AK9: variants seen among roughly 807,000 people sequenced by gnomAD.
AK9 encodes the protein adenylate kinase domain containing 1.
In AK9, 191 loss-of-function variants were observed where a neutral mutation model predicts 239.6. The ratio of observed to expected loss-of-function variants is 0.80; its 90% CI spans 0.71 to 0.90. The LOEUF (loss-of-function observed/expected upper bound fraction) is 0.90. AK9 is among the 40% of genes least tolerant of loss of function. The probability of loss-of-function intolerance (pLI) is 0.00; values close to 1 mark genes in which losing one functional copy is unlikely to be tolerated. For synonymous variants in AK9, 689 were observed against 721.0 expected, an observed-to-expected ratio of 0.96 and a Z score of 0.71; for missense variants, 1,995 against 2,214.7, an observed-to-expected ratio of 0.90 and a Z score of 1.99.
At chr6:109,539,004 T>G (rs1782460938) in intron 27 of AK9, among the ~76,000 whole-genome samples, 1 of 152,194 alleles carries the variant, frequency 6.6e-6, no homozygotes, top group African/African-American at 2.4e-5. Context: ...CCCTTTTTGG[T>G]TAACCCGACC....
chr6:109,609,536 C>T (rs1793320995), intron 17 of AK9, among the ~76,000 whole-genome samples: 1 of 152,028 alleles, frequency 6.6e-6, no homozygotes, highest in African/African-American at 2.4e-5. Flanking sequence ...GATAGAACAA[C>T]CTGAAGATAG....
rs58542655 is a variant in AK9, at chr6:109,502,957, A to ATGTGTGTGTG, written c.4849+3360_4849+3369dup. ...CAGATTTCTGACCCACAGGAACGGTATGTGTGTGTGTGTGTGTGTGTGTGT... is the reference window on the plus strand; with the variant it reads ...CAGATTTCTGACCCACAGGAACGGTATGTGTGTGTGTGTGTGTGTGTGTGTGTGTGTGTGT... On this transcript the variant is annotated intron_variant, in intron 35 of 40. Transcript: ENST00000424296. Among the ~76,000 whole-genome samples, 592 of 145,494 alleles carry ATGTGTGTGTG rather than the reference A, an allele frequency of 4.1e-3. 4 individuals carry two copies. The highest frequency in any genetic ancestry group is 0.013 in the African/African-American group (534 of 39,636).
chr6:109,670,556 A>G lies in AK9; in HGVS notation c.331+1363T>C, dbSNP rs561993510. 1.0e-3 allele frequency among the ~76,000 whole-genome samples: 154 copies of G among 152,310 alleles called. 2 individuals carry two copies. Among genetic ancestry groups the G allele is most frequent in the Non-Finnish European group, 1.4e-3 (98 of 68,022 alleles). On this transcript the variant is annotated intron_variant, in intron 5 of 40. Transcript: ENST00000424296. ...TTCCTAATAACAACTGTAAAACATT[A>G]TGAACACCATGAGAGGCACAACTGA...
intron 25 of AK9, among the ~76,000 whole-genome samples, chr6:109,547,688 G>T (rs992255534): frequency 1.2e-4 from 19 of 152,056 alleles, no homozygotes; most frequent in African/African-American, 4.6e-4. Context: ...AGCAAAAATA[G>T]ACACATAGGA....
intron 35 of AK9, among the ~76,000 whole-genome samples, chr6:109,501,070 C>A (rs543454142): frequency 2.0e-5 from 3 of 152,128 alleles, no homozygotes; most frequent in East Asian, 3.9e-4. Context: ...GGAGAAGCAC[C>A]CTGTAATCGA....
At chr6:109,553,642 T>C (rs546114053) in intron 24 of AK9, among the ~76,000 whole-genome samples, 9 of 152,354 alleles carry the variant, frequency 5.9e-5, no homozygotes, top group African/African-American at 1.9e-4. Context: ...TCATGTCATC[T>C]GCAAGCAGAG....
chr6:109,500,032 G>GACACACACACACAC (rs1385241254), intron 35 of AK9, among the ~76,000 whole-genome samples: 10 of 76,344 alleles, frequency 1.3e-4, no homozygotes, highest in African/African-American at 5.2e-4. Context: ...CTATATATAT[G>GACACACACACACAC]ATACACACAC....
At chr6:109,524,327 A>C (rs1361296105) in intron 29 of AK9, among the ~76,000 whole-genome samples, 1 of 152,210 alleles carries the variant, frequency 6.6e-6, no homozygotes, top group Non-Finnish European at 1.5e-5. Flanking sequence ...GTGGAACAAC[A>C]GCAAAGGTCT....
At chr6:109,577,939 CTCTTTTTT>C (rs1439669060) in intron 20 of AK9, among the ~76,000 whole-genome samples, 121 of 139,194 alleles carry the variant, frequency 8.7e-4, no homozygotes, top group African/African-American at 3.1e-3. Flanking sequence ...TCCTTTCTTT[CTCTTTTTT>C]TTTTTCTTTT....
intron 24 of AK9, among the ~76,000 whole-genome samples, chr6:109,560,696 T>C (rs1191916770): frequency 6.6e-6 from 1 of 152,224 alleles, no homozygotes; most frequent in African/African-American, 2.4e-5. Flanking sequence ...TATATCTATA[T>C]TAATGAGTGA....
At chr6:109,542,009 A>T in intron 27 of AK9, 38 bp downstream of exon 27, 7 of 1,464,042 alleles carry the variant, frequency 4.8e-6, no homozygotes, top group Non-Finnish European at 6.4e-6. Flanking sequence ...AAACAAATAA[A>T]AGCAAATAAA....
chr6:109,580,131 A>T (rs961241819), intron 19 of AK9, among the ~76,000 whole-genome samples: 1 of 152,136 alleles, frequency 6.6e-6, no homozygotes, highest in African/African-American at 2.4e-5. Flanking sequence ...TTGCATTAAA[A>T]TTTTTTCTAT....
rs139632231 is a variant in AK9, at chr6:109,604,376, A to G, written c.1842+5989T>C. Among the ~76,000 whole-genome samples the G allele has an allele frequency of 1.1e-3, 175 of 152,330 alleles. 2 individuals are homozygous for G. The highest frequency in any genetic ancestry group is 3.4e-3 in the Middle Eastern group (1 of 294). ...CTAGTTTAAATAAAATATCATTTTTACGTTTAACTATTTAATATATATGGA... is the reference window on the plus strand; with the variant it reads ...CTAGTTTAAATAAAATATCATTTTTGCGTTTAACTATTTAATATATATGGA... On this transcript the variant is annotated intron_variant, in intron 17 of 40. Transcript: ENST00000424296.
rs181406953 is a variant in AK9, at chr6:109,671,121, G to A, written c.331+798C>T. The stretch of plus-strand genomic sequence containing the variant: ...AGTAAATACAGTTTGACAAGGCTGC[G>A]TTTGCTGCTTCCATCATTGATTTGC... On this transcript the variant is annotated intron_variant, in intron 5 of 40. Coordinates refer to ENST00000424296, the MANE Select transcript of AK9 (RefSeq NM_001145128.3). 4.6e-5 allele frequency among the ~76,000 whole-genome samples: 7 copies of A among 152,200 alleles called. No homozygotes were observed. The East Asian group carries it at 7.7e-4, about 17-fold the overall frequency.
chr6:109,603,968 G>A (rs1792476474), intron 17 of AK9, among the ~76,000 whole-genome samples: 1 of 152,202 alleles, frequency 6.6e-6, no homozygotes, highest in South Asian at 2.1e-4. Flanking sequence ...GGTGCCTTCT[G>A]TCACAGCTTT....
At chr6:109,493,892 G>A (rs1318886939) in intron 40 of AK9, 89 bp downstream of exon 40, 1 of 969,358 alleles carries the variant, frequency 1.0e-6, no homozygotes, top group African/African-American at 1.6e-5. Context: ...TCACCAAGCA[G>A]GCAACACAGT....
chr6:109,543,066 C>T (rs1040312622), intron 26 of AK9, among the ~76,000 whole-genome samples: 4 of 152,114 alleles, frequency 2.6e-5, no homozygotes, highest in Admixed American at 1.3e-4. Flanking sequence ...AACAGGCAGC[C>T]ATCTGAAATA....
chr6:109,555,753 A>T (rs78649598), intron 24 of AK9, among the ~76,000 whole-genome samples: 7 of 152,180 alleles, frequency 4.6e-5, no homozygotes, highest in African/African-American at 1.7e-4. Context: ...TCCCTTTACC[A>T]TTATATAGTC....
At chr6:109,544,259 T>C (rs997851533) in intron 26 of AK9, among the ~76,000 whole-genome samples, 1 of 152,202 alleles carries the variant, frequency 6.6e-6, no homozygotes, top group Non-Finnish European at 1.5e-5. Flanking sequence ...GGCCTATCTA[T>C]ATCAGAAATG....
Sources: gnomAD v4.1 joint callset for allele counts (sites outside exome capture counted in the v4.1 genomes callset) on GRCh38, gnomAD v4.1.1 for gene constraint, MANE v1.5 for transcripts, NCBI Gene and HGNC (gene_info 2026-07-23, HGNC 2026-07-21) for gene names.